Variants in AUTS2 observed in about 807,000 individuals in gnomAD.
The protein encoded by AUTS2 is activator of transcription and developmental regulator AUTS2, also known as autism susceptibility gene 2 protein.
A neutral mutation model predicts 112.4 loss-of-function variants in AUTS2; 17 were observed. The ratio of observed to expected loss-of-function variants is 0.15; its 90% CI spans 0.10 to 0.23. The LOEUF is 0.23. Among genes scored for constraint, AUTS2 ranks in the 10% least tolerant of loss-of-function variants. The probability of loss-of-function intolerance (pLI) is 1.00; values close to 1 mark genes in which losing one functional copy is unlikely to be tolerated. For synonymous variants in AUTS2, 751 were observed against 702.7 expected (o/e 1.07, Z -1.09); for missense variants, 1,510 against 1,701.6 (o/e 0.89, Z 1.98).
intron 4 of AUTS2, among the ~76,000 whole-genome samples, chr7:70,299,307 CTG>C (rs1353614087): frequency 7.9e-5 from 12 of 152,308 alleles, no homozygotes; most frequent in African/African-American, 2.4e-4. Context: ...AAGGCAAACT[CTG>C]TTATTTACTC....
chr7:69,845,570 C>T (rs117923692), intron 1 of AUTS2, among the ~76,000 whole-genome samples: 4 of 152,206 alleles, frequency 2.6e-5, no homozygotes, highest in East Asian at 1.9e-4. Flanking sequence ...TAAGTGACTA[C>T]GATTACATGA....
chr7:70,763,462 C>T, intron 7 of AUTS2, 121 bp downstream of exon 7: 1 of 718,158 alleles, frequency 1.4e-6, no homozygotes, highest in East Asian at 2.7e-5. Context: ...TCATCCTTTT[C>T]TCTGAGACTA....
At chr7:70,191,744 A>C (rs368095853) in intron 4 of AUTS2, among the ~76,000 whole-genome samples, 29 of 152,176 alleles carry the variant, frequency 1.9e-4, no homozygotes, top group African/African-American at 6.3e-4. Flanking sequence ...CTGATTTTAC[A>C]TGGACAATAG....
chr7:70,134,273 C>T (rs1053189728), intron 3 of AUTS2, among the ~76,000 whole-genome samples: 14 of 152,126 alleles, frequency 9.2e-5, no homozygotes, highest in African/African-American at 3.1e-4. Flanking sequence ...AGCTGCCTGT[C>T]AAATAAATTG....
intron 1 of AUTS2, among the ~76,000 whole-genome samples, chr7:69,742,279 T>C (rs1041532916): frequency 1.3e-5 from 2 of 152,160 alleles, no homozygotes; most frequent in African/African-American, 2.4e-5. Flanking sequence ...GTAAATGCTC[T>C]TTTTTGTTTA....
intron 5 of AUTS2, among the ~76,000 whole-genome samples, chr7:70,661,949 A>G (rs543400624): frequency 6.6e-6 from 1 of 152,272 alleles, no homozygotes; most frequent in Non-Finnish European, 1.5e-5. Context: ...ATCTCTGCCC[A>G]GTAACGCCTT....
intron 2 of AUTS2, among the ~76,000 whole-genome samples, chr7:69,902,552 A>G (rs760174199): frequency 6.6e-6 from 1 of 152,198 alleles, no homozygotes; most frequent in South Asian, 2.1e-4. Flanking sequence ...CTTATTAGGA[A>G]ATGGTACTTC....
intron 4 of AUTS2, among the ~76,000 whole-genome samples, chr7:70,267,682 A>G (rs1174604244): frequency 6.6e-6 from 1 of 152,222 alleles, no homozygotes; most frequent in Non-Finnish European, 1.5e-5. Context: ...ATAAACTGAC[A>G]CTGCTGTCAA....
chr7:70,388,454 A>G (rs1259312479), intron 4 of AUTS2, among the ~76,000 whole-genome samples: 1 of 152,202 alleles, frequency 6.6e-6, no homozygotes, highest in Non-Finnish European at 1.5e-5. Context: ...AAAAAACTAA[A>G]CTTGTAGATG....
chr7:70,559,064 G>A (rs928465678), intron 5 of AUTS2, among the ~76,000 whole-genome samples: 4 of 152,256 alleles, frequency 2.6e-5, no homozygotes, highest in South Asian at 2.1e-4. Flanking sequence ...TGCTGTTCTC[G>A]TGATAGTGAA....
At chr7:69,874,888 C>T (rs530966328) in intron 1 of AUTS2, among the ~76,000 whole-genome samples, 9 of 151,326 alleles carry the variant, frequency 5.9e-5, no homozygotes, top group Admixed American at 1.3e-4. Flanking sequence ...CCAGGCTGGT[C>T]GCGAACTCTT....
chr7:69,978,968 T>C (rs1162489710), intron 2 of AUTS2, among the ~76,000 whole-genome samples: 1 of 152,088 alleles, frequency 6.6e-6, no homozygotes, highest in Non-Finnish European at 1.5e-5. Flanking sequence ...ATTCTATATC[T>C]GTCTATAAGT....
At chr7:70,583,412 C>T (rs990740443) in intron 5 of AUTS2, among the ~76,000 whole-genome samples, 3 of 152,204 alleles carry the variant, frequency 2.0e-5, no homozygotes, top group Non-Finnish European at 2.9e-5. Flanking sequence ...GAAATCACAA[C>T]CGCAGTGATT....
At chr7:70,675,680 C>G (rs1302567742) in intron 5 of AUTS2, among the ~76,000 whole-genome samples, 1 of 152,132 alleles carries the variant, frequency 6.6e-6, no homozygotes, top group African/African-American at 2.4e-5. Context: ...ACTGGAATCC[C>G]CTGGAAAAGT....
chr7:70,330,166 A>G (rs1442659214), intron 4 of AUTS2, among the ~76,000 whole-genome samples: 1 of 152,212 alleles, frequency 6.6e-6, no homozygotes, highest in African/African-American at 2.4e-5. Context: ...TTTGTTGTTA[A>G]TGCATTTGAT....
At chr7:70,216,346 C>G (rs1465142107) in intron 4 of AUTS2, among the ~76,000 whole-genome samples, 6 of 152,170 alleles carry the variant, frequency 3.9e-5, no homozygotes, top group Admixed American at 6.5e-5. Context: ...TTTGCTAATC[C>G]AAACAATTAT....
intron 4 of AUTS2, among the ~76,000 whole-genome samples, chr7:70,276,223 A>G (rs1030668821): frequency 6.6e-6 from 1 of 152,216 alleles, no homozygotes; most frequent in Non-Finnish European, 1.5e-5. Context: ...TATTTTCAAG[A>G]ATATGCCTAT....
intron 4 of AUTS2, among the ~76,000 whole-genome samples, chr7:70,306,439 A>G (rs1183648452): frequency 6.6e-6 from 1 of 152,214 alleles, no homozygotes; most frequent in Non-Finnish European, 1.5e-5. Context: ...TGGGCATGAC[A>G]AGAATGATGC....
chr7:69,709,511 C>T (rs904723921), intron 1 of AUTS2, among the ~76,000 whole-genome samples: 1 of 152,136 alleles, frequency 6.6e-6, no homozygotes, highest in African/African-American at 2.4e-5. Context: ...TGGCCATTCG[C>T]ATAGTTTGGA....
Sources: gnomAD v4.1 joint callset for allele counts (sites outside exome capture counted in the v4.1 genomes callset) on GRCh38, gnomAD v4.1.1 for gene constraint, MANE v1.5 for transcripts, NCBI Gene and HGNC (gene_info 2026-07-23, HGNC 2026-07-21) for gene names.